PDE3B: variants seen among roughly 807,000 people sequenced by gnomAD.
The protein encoded by PDE3B is cGMP-inhibited 3',5'-cyclic phosphodiesterase 3B.
A neutral mutation model predicts 116.8 loss-of-function variants in PDE3B; 66 were observed. The observed-to-expected ratio is 0.56, with a 90% CI of 0.46 to 0.69. The LOEUF (loss-of-function observed/expected upper bound fraction) is 0.69. PDE3B is among the 30% of genes least tolerant of loss of function. The probability of loss-of-function intolerance (pLI) is 0.00; values close to 1 mark genes in which losing one functional copy is unlikely to be tolerated. For missense variants in PDE3B, 1,384 were observed against 1,368.1 expected (o/e 1.01, Z -0.18); for synonymous variants, 595 against 533.6 (o/e 1.12, Z -1.59).
In PDE3B at chr11:14,643,866, C is replaced by A; in HGVS notation, c.-210C>A. The A allele has an allele frequency of 1.6e-6, 1 of 643,614 alleles. No individual in the cohort carries two copies. Among genetic ancestry groups the A allele is most frequent in the Non-Finnish European group, 2.4e-6 (1 of 421,128 alleles). 39.9% of individuals were successfully genotyped at this position (643,614 alleles called of 1,614,324 possible). ...CTAAACTGGTCCTGGAGAGAAGCCC[C>A]TTCCGCCCCTCTCCTCAGCCAGCAT... On this transcript the variant is annotated 5_prime_UTR_variant, in exon 1 of 16. Transcript: ENST00000282096.
chr11:14,775,013 A>G (rs1857743494), intron 2 of PDE3B: 1 of 152,152 alleles, frequency 6.6e-6, no homozygotes, highest in African/African-American at 2.4e-5. Context: ...ACACTTTGTC[A>G]TGTCTTTACA....
chr11:14,817,118 T>A (rs1348097560), intron 5 of PDE3B, among the ~76,000 whole-genome samples: 2 of 152,132 alleles, frequency 1.3e-5, no homozygotes, highest in Non-Finnish European at 2.9e-5. Flanking sequence ...TAAAAAAGGA[T>A]GAGTTCATGT....
intron 1 of PDE3B, among the ~76,000 whole-genome samples, chr11:14,735,342 A>C (rs1856567420): frequency 6.6e-6 from 1 of 152,236 alleles, no homozygotes; most frequent in South Asian, 2.1e-4. Flanking sequence ...GGAGCTATAT[A>C]ATAAATGTTA....
chr11:14,863,377 G>A (rs181319562), intron 14 of PDE3B, among the ~76,000 whole-genome samples: 4 of 152,146 alleles, frequency 2.6e-5, no homozygotes, highest in East Asian at 3.9e-4. Flanking sequence ...TCTAATGATC[G>A]CCATTCCAAC....
Position 14,826,848 on chromosome 11 carries a change from G to A in PDE3B, c.1808-3850G>A, listed in dbSNP as rs758078965. Among the ~76,000 whole-genome samples, 9 of 151,988 alleles carry A rather than the reference G, an allele frequency of 5.9e-5. No individual in the cohort carries two copies. The East Asian group carries it at 9.6e-4, about 16-fold the overall frequency. ...GCCAGCATCATTCTGATACCAAAAC[G>A]TAGCAGAGACACAAGAAAAAAACAA... is the stretch of plus-strand genomic sequence containing the variant. On this transcript the variant is annotated intron_variant, in intron 7 of 15. Transcript: ENST00000282096.
Position 14,819,131 on chromosome 11 carries a change from A to C in PDE3B, c.1734-5A>C, listed in dbSNP as rs749181705. 1.9e-5 allele frequency: 29 copies of C among 1,544,526 alleles called. No homozygotes were observed. The highest frequency in any genetic ancestry group is 2.4e-5 in the Non-Finnish European group (27 of 1,121,806). ...CGTATATATTTATCTATTTTATTCT[A>C]TAAGCTGTGGACATCAAATGCTGAA... On this transcript the variant is annotated splice_polypyrimidine_tract_variant and splice_region_variant and intron_variant, in intron 6 of 15. Coordinates refer to ENST00000282096, the MANE Select transcript of PDE3B (RefSeq NM_000922.4).
At chr11:14,830,016 C>G (rs1859822998) in intron 7 of PDE3B, among the ~76,000 whole-genome samples, 1 of 152,126 alleles carries the variant, frequency 6.6e-6, no homozygotes, top group African/African-American at 2.4e-5. Context: ...GCTTCCTTCA[C>G]TAAACATTAT....
chr11:14,805,789 G>A (rs1858899057), intron 5 of PDE3B, among the ~76,000 whole-genome samples: 1 of 152,096 alleles, frequency 6.6e-6, no homozygotes, highest in Non-Finnish European at 1.5e-5. Context: ...TAAATAGATG[G>A]GTGAGGATTA....
At chr11:14,759,478 G>A (rs973477452) in intron 1 of PDE3B, among the ~76,000 whole-genome samples, 2 of 151,450 alleles carry the variant, frequency 1.3e-5, no homozygotes, top group East Asian at 3.9e-4. Context: ...TAGTTCAGTA[G>A]TAGTTCAGTT....
At chr11:14,881,438 TAATTC>T in the PDE3B span, among the ~76,000 whole-genome samples, 5 of 152,110 alleles carry the variant, frequency 3.3e-5, no homozygotes, top group Non-Finnish European at 7.4e-5. Context: ...TCCCTTAAAT[TAATTC>T]AACATCTTCA....
chr11:14,892,520 T>C, the PDE3B span, among the ~76,000 whole-genome samples: 1 of 152,218 alleles, frequency 6.6e-6, no homozygotes, highest in Non-Finnish European at 1.5e-5. Flanking sequence ...ACGGCCTCAC[T>C]CACTGGGCTA....
intron 1 of PDE3B, among the ~76,000 whole-genome samples, chr11:14,695,359 C>T (rs533993571): frequency 1.3e-4 from 20 of 151,846 alleles, no homozygotes; most frequent in African/African-American, 3.6e-4. Flanking sequence ...AGTTTATGGA[C>T]GTTTGGATTA....
chr11:14,831,280 A>G (rs1336329017), intron 8 of PDE3B, among the ~76,000 whole-genome samples: 1 of 151,710 alleles, frequency 6.6e-6, no homozygotes, highest in Non-Finnish European at 1.5e-5. Context: ...TATCCTGGTA[A>G]TAAATGCCAA....
intron 1 of PDE3B, among the ~76,000 whole-genome samples, chr11:14,713,835 C>T (rs914747939): frequency 6.6e-6 from 1 of 152,058 alleles, no homozygotes; most frequent in Non-Finnish European, 1.5e-5. Flanking sequence ...GCTAAACTAT[C>T]GTATAAGCAG....
intron 4 of PDE3B, among the ~76,000 whole-genome samples, chr11:14,793,930 A>G (rs1403701810): frequency 6.6e-6 from 1 of 152,186 alleles, no homozygotes; most frequent in African/African-American, 2.4e-5. Context: ...GTGTCATCCT[A>G]CTCAGCTTCT....
intron 1 of PDE3B, among the ~76,000 whole-genome samples, chr11:14,664,171 G>A (rs1464040385): frequency 1.3e-5 from 2 of 152,076 alleles, no homozygotes; most frequent in Non-Finnish European, 1.5e-5. Flanking sequence ...CGACTACTGG[G>A]TAAATAATGA....
At chr11:14,772,100 A>G (rs1473544127) in intron 2 of PDE3B, 113 bp downstream of exon 2, 2 of 543,526 alleles carry the variant, frequency 3.7e-6, no homozygotes, top group Non-Finnish European at 3.3e-6. Flanking sequence ...TTTCTGTGCC[A>G]TAAGATTTTC....
intron 7 of PDE3B, among the ~76,000 whole-genome samples, chr11:14,823,396 AGGGGC>A (rs1565152957): frequency 6.6e-6 from 1 of 152,062 alleles, no homozygotes; most frequent in Non-Finnish European, 1.5e-5. Context: ...TCCCAGAGGG[AGGGGC>A]AAGCTGCCAT....
chr11:14,842,479 C>T (rs1194275219), intron 11 of PDE3B, among the ~76,000 whole-genome samples: 1 of 151,732 alleles, frequency 6.6e-6, no homozygotes, highest in Non-Finnish European at 1.5e-5. Context: ...AAATTATTGA[C>T]TCTGTATTGA....
Sources: gnomAD v4.1 joint callset for allele counts (sites outside exome capture counted in the v4.1 genomes callset) on GRCh38, gnomAD v4.1.1 for gene constraint, MANE v1.5 for transcripts, NCBI Gene and HGNC (gene_info 2026-07-23, HGNC 2026-07-21) for gene names.